Variants in PCDH9 observed in about 807,000 individuals in gnomAD.
PCDH9 encodes protocadherin 9.
A neutral mutation model predicts 70.6 loss-of-function variants in PCDH9; 24 were observed. The ratio of observed to expected loss-of-function variants is 0.34; its 90% CI spans 0.25 to 0.48. The LOEUF (loss-of-function observed/expected upper bound fraction) is 0.48, where lower values mean the gene tolerates loss of function less well. PCDH9 is among the 20% of genes least tolerant of loss of function. The pLI, the probability that PCDH9 is intolerant of heterozygous loss-of-function variation, is 0.99. For missense variants in PCDH9, 1,281 were observed against 1,503.6 expected, an observed-to-expected ratio of 0.85 and a Z score of 2.45; for synonymous variants, 562 against 558.5, an observed-to-expected ratio of 1.01 and a Z score of -0.09.
At chr13:66,349,503 T>C (rs1288424410) in intron 4 of PCDH9, among the ~76,000 whole-genome samples, 1 of 152,194 alleles carries the variant, frequency 6.6e-6, no homozygotes, top group Non-Finnish European at 1.5e-5. Flanking sequence ...TGTCACAGCT[T>C]TGGCACACCC....
intron 3 of PCDH9, among the ~76,000 whole-genome samples, chr13:66,866,288 C>T (rs1346918131): frequency 2.6e-5 from 4 of 151,740 alleles, no homozygotes; most frequent in Non-Finnish European, 5.9e-5. Context: ...AGAGACCATC[C>T]TGGCTAATAC....
At chr13:67,155,588 A>G (rs916991878) in intron 2 of PCDH9, among the ~76,000 whole-genome samples, 3 of 152,146 alleles carry the variant, frequency 2.0e-5, no homozygotes, top group Non-Finnish European at 4.4e-5. Context: ...ATTTTTTAAA[A>G]GTTATCCTCT....
At chr13:67,018,386 C>T (rs1401295469) in intron 2 of PCDH9, among the ~76,000 whole-genome samples, 2 of 151,896 alleles carry the variant, frequency 1.3e-5, no homozygotes, top group Non-Finnish European at 2.9e-5. Context: ...TTTGGGCGGC[C>T]GAAGGGGATG....
chr13:67,097,867 C>T (rs951439497), intron 2 of PCDH9, among the ~76,000 whole-genome samples: 3 of 152,170 alleles, frequency 2.0e-5, no homozygotes, highest in East Asian at 1.9e-4. Flanking sequence ...CATATAAATA[C>T]GCTAAGTGTT....
intron 4 of PCDH9, among the ~76,000 whole-genome samples, chr13:66,606,487 C>T (rs1420370964): frequency 6.6e-6 from 1 of 152,024 alleles, no homozygotes; most frequent in Non-Finnish European, 1.5e-5. Flanking sequence ...TATGCTTCTA[C>T]AGGGAGTTAG....
At chr13:66,606,805 C>G (rs1327204555) in intron 4 of PCDH9, among the ~76,000 whole-genome samples, 1 of 151,812 alleles carries the variant, frequency 6.6e-6, no homozygotes, top group African/African-American at 2.4e-5. Context: ...TTCTCTTTTA[C>G]TTGAAGCTTA....
Position 67,226,886 on chromosome 13 carries a change from G to A in PCDH9, c.1555C>T (p.Arg519Ter). The A allele has an allele frequency of 1.2e-6, 2 of 1,614,054 alleles. No homozygotes were observed. The highest frequency in any genetic ancestry group is 8.5e-7 in the Non-Finnish European group (1 of 1,179,980). Residue 519 changes from arginine to a stop codon, truncating the protein, a stop_gained, in exon 2 of 5, where the codon CGA becomes TGA. Transcript: ENST00000377865. LOFTEE classifies it high-confidence loss of function. The surrounding 1 kb of genome is among the most constrained non-coding windows in gnomAD (Gnocchi z 5.0). ...GAGGCTGTCAAAACTCCTGTTTTTC[G>A]GTCCAGATCAAAGAAGGAGGCATTC... ...GPNASFFDLD[R>*]KTGVLTASRV...
At chr13:66,450,345 A>G (rs1958180277) in intron 4 of PCDH9, among the ~76,000 whole-genome samples, 1 of 152,222 alleles carries the variant, frequency 6.6e-6, no homozygotes, top group South Asian at 2.1e-4. Flanking sequence ...AGAACCTTTC[A>G]TATGGACATG....
In PCDH9 at chr13:66,378,145, G is replaced by A. The variant is rs534048723; in HGVS notation, c.3341-73117C>T. ...GGTTGATCATAGAAATAACTTTGCCGAAAAGCCCTGAGGATGAAGAGAAGT... is the reference window on the plus strand; with the variant it reads ...GGTTGATCATAGAAATAACTTTGCCAAAAAGCCCTGAGGATGAAGAGAAGT... On this transcript the variant is annotated intron_variant, in intron 4 of 4. Transcript: ENST00000377865. Among the ~76,000 whole-genome samples the A allele has an allele frequency of 1.2e-4, 19 of 152,190 alleles. No homozygotes were observed. In the South Asian group the frequency reaches 1.5e-3, roughly 12 times the overall value.
intron 2 of PCDH9, among the ~76,000 whole-genome samples, chr13:67,030,458 C>T (rs1033731808): frequency 2.6e-5 from 4 of 151,918 alleles, no homozygotes; most frequent in African/African-American, 7.3e-5. Context: ...TATGTTTGTA[C>T]CCATTAACCA....
At chr13:66,860,670 T>G (rs2081468141) in intron 3 of PCDH9, among the ~76,000 whole-genome samples, 2 of 152,170 alleles carry the variant, frequency 1.3e-5, no homozygotes. Context: ...CAAACCCCAG[T>G]GTCCTGTTGT....
chr13:66,798,516 T>C (rs907018192), intron 3 of PCDH9, among the ~76,000 whole-genome samples: 6 of 152,120 alleles, frequency 3.9e-5, no homozygotes, highest in African/African-American at 1.4e-4. Flanking sequence ...TGGCTCCCCA[T>C]GCATTTGTAT....
At chr13:66,985,910 G>A (rs890916378) in intron 2 of PCDH9, 2 of 151,974 alleles carry the variant, frequency 1.3e-5, no homozygotes, top group African/African-American at 4.8e-5. Flanking sequence ...CAAATCAGTA[G>A]TCATTATATC....
chr13:67,150,225 T>C (rs1423410857), intron 2 of PCDH9, among the ~76,000 whole-genome samples: 1 of 152,058 alleles, frequency 6.6e-6, no homozygotes, highest in Non-Finnish European at 1.5e-5. Context: ...TTAGTAGAGA[T>C]GGGGCTTCAC....
At chr13:66,456,445 A>T (rs1958318150) in intron 4 of PCDH9, among the ~76,000 whole-genome samples, 1 of 152,062 alleles carries the variant, frequency 6.6e-6, no homozygotes, top group Non-Finnish European at 1.5e-5. Context: ...AATTTTTTGT[A>T]GAGATGGGCT....
intron 3 of PCDH9, among the ~76,000 whole-genome samples, chr13:66,892,712 T>C (rs1480405101): frequency 1.3e-5 from 2 of 152,116 alleles, no homozygotes; most frequent in African/African-American, 2.4e-5. Context: ...AGAAAGTCTT[T>C]GGGCTTCTGC....
At chr13:66,632,904 C>T (rs1205257289) in intron 3 of PCDH9, among the ~76,000 whole-genome samples, 1 of 151,846 alleles carries the variant, frequency 6.6e-6, no homozygotes, top group African/African-American at 2.4e-5. Flanking sequence ...ACAATATAAT[C>T]ATTTTCTAGT....
chr13:66,394,514 A>C (rs1483378646), intron 4 of PCDH9, among the ~76,000 whole-genome samples: 1 of 152,172 alleles, frequency 6.6e-6, no homozygotes, highest in African/African-American at 2.4e-5. Flanking sequence ...CAACATAACT[A>C]TGTGTCCATA....
intron 2 of PCDH9, among the ~76,000 whole-genome samples, chr13:66,970,430 A>G (rs2083500306): frequency 6.6e-6 from 1 of 151,710 alleles, no homozygotes; most frequent in Admixed American, 6.6e-5. Context: ...GGAGTTCAAG[A>G]CCAGCATAGG....
Sources: allele counts gnomAD v4.1 joint callset (sites outside exome capture counted in the v4.1 genomes callset), GRCh38; gene constraint gnomAD v4.1.1; non-coding constraint Gnocchi (gnomAD v3.1); transcripts MANE v1.5; gene names NCBI Gene and HGNC (gene_info 2026-07-23, HGNC 2026-07-21).